The following CDH12 variants were observed in gnomAD, a reference collection of about 807,000 sequenced individuals.
CDH12 encodes the protein cadherin 12, also known as cadherin-12.
In CDH12, 41 loss-of-function variants were observed where a neutral mutation model predicts 74.1. The ratio of observed to expected loss-of-function variants is 0.55; its 90% CI spans 0.43 to 0.72. The LOEUF (loss-of-function observed/expected upper bound fraction) is 0.72, where lower values mean the gene tolerates loss of function less well. Among genes scored for constraint, CDH12 ranks in the 30% least tolerant of loss-of-function variants. The pLI is 0.00. For synonymous variants in CDH12, 399 were observed against 355.0 expected (o/e 1.12, Z -1.39); for missense variants, 945 against 977.2 (o/e 0.97, Z 0.44).
intron 3 of CDH12, among the ~76,000 whole-genome samples, chr5:22,297,399 C>A (rs1415265051): frequency 6.6e-6 from 1 of 152,132 alleles, no homozygotes; most frequent in East Asian, 1.9e-4. Context: ...ATGTGTATTT[C>A]TAACTGAGTC....
chr5:22,241,685 C>T (rs1752757601), intron 3 of CDH12, among the ~76,000 whole-genome samples: 1 of 151,944 alleles, frequency 6.6e-6, no homozygotes, highest in Non-Finnish European at 1.5e-5. Flanking sequence ...ACAAGATCTA[C>T]TATCAAAACA....
At chr5:22,038,158 C>T (rs568633840) in intron 5 of CDH12, among the ~76,000 whole-genome samples, 2 of 152,310 alleles carry the variant, frequency 1.3e-5, no homozygotes, top group South Asian at 4.1e-4. Flanking sequence ...AATGCAACTA[C>T]TGCTGGAGTG....
chr5:21,931,623 T>C (rs7714572), intron 6 of CDH12, among the ~76,000 whole-genome samples: 113,126 of 152,200 alleles, frequency 0.74, 44,790 homozygotes, highest in East Asian at 0.93. Context: ...ATGCATATTA[T>C]AGTGAGCACA....
intron 6 of CDH12, among the ~76,000 whole-genome samples, chr5:21,971,670 T>C (rs374325709): frequency 1.8e-3 from 278 of 152,278 alleles, no homozygotes; most frequent in African/African-American, 6.5e-3. Context: ...ACCCCACTTA[T>C]GCATAATCAT....
At chr5:21,883,422 G>A (rs1406860055) in intron 6 of CDH12, 5 of 1,582,188 alleles carry the variant, frequency 3.2e-6, no homozygotes, top group African/African-American at 2.7e-5. Flanking sequence ...CGCTGAAGAT[G>A]TTGATGGAGA....
chr5:22,222,890 C>G (rs923304780), intron 3 of CDH12, among the ~76,000 whole-genome samples: 125 of 151,958 alleles, frequency 8.2e-4, no homozygotes, highest in African/African-American at 2.7e-3. Flanking sequence ...AAGAGTAACC[C>G]TTTTGTAACT....
At chr5:22,312,458 T>A (rs553611497) in intron 3 of CDH12, among the ~76,000 whole-genome samples, 1 of 152,312 alleles carries the variant, frequency 6.6e-6, no homozygotes, top group South Asian at 2.1e-4. Flanking sequence ...CATTCATTAT[T>A]CATTTGTTCA....
At chr5:21,865,339 A>G (rs904700179) in intron 6 of CDH12, among the ~76,000 whole-genome samples, 5 of 152,152 alleles carry the variant, frequency 3.3e-5, no homozygotes, top group Admixed American at 1.3e-4. Context: ...TATGAGATCA[A>G]ACTAAGGGGG....
chr5:22,530,497 C>G (rs1245496668), intron 1 of CDH12, among the ~76,000 whole-genome samples: 1 of 145,916 alleles, frequency 6.9e-6, no homozygotes, highest in Admixed American at 7.6e-5. Flanking sequence ...AAATACCTAC[C>G]TCATTAAAAT....
At chr5:22,454,587 C>A (rs961553361) in intron 2 of CDH12, among the ~76,000 whole-genome samples, 4 of 152,114 alleles carry the variant, frequency 2.6e-5, no homozygotes, top group African/African-American at 9.7e-5. Context: ...GATTCTCATG[C>A]CTCAGCCTCC....
Position 22,491,038 on chromosome 5 carries a change from C to T in CDH12, c.-428+14232G>A, listed in dbSNP as rs548709599. 1.4e-4 allele frequency among the ~76,000 whole-genome samples: 21 copies of T among 152,214 alleles called. No homozygotes were observed. In the South Asian group the frequency reaches 2.3e-3, roughly 17 times the overall value. ...AGGAGGTCCACTTGCAGGTTTGTTG[C>T]ATAGGTATATTGCACGACACTGATG... On this transcript the variant is annotated intron_variant, in intron 2 of 14. Transcript: ENST00000382254.
chr5:22,051,752 T>G (rs1281146902), intron 5 of CDH12, among the ~76,000 whole-genome samples: 4 of 152,112 alleles, frequency 2.6e-5, no homozygotes, highest in Admixed American at 2.6e-4. Context: ...AGAAAACCAT[T>G]TCTTCTGTAC....
chr5:22,717,921 A>C (rs998629225), intron 1 of CDH12, among the ~76,000 whole-genome samples: 4 of 152,134 alleles, frequency 2.6e-5, no homozygotes, highest in African/African-American at 9.7e-5. Flanking sequence ...CAAAGAAAAA[A>C]AAAGCATCTT....
intron 6 of CDH12, among the ~76,000 whole-genome samples, chr5:21,880,907 G>A (rs9292998): frequency 0.76 from 114,491 of 151,640 alleles, 46,742 homozygotes; most frequent in Non-Finnish European, 0.91. Context: ...GAGTTGAATC[G>A]TCCATCATTT....
chr5:21,909,287 G>C (rs1753765559), intron 6 of CDH12, among the ~76,000 whole-genome samples: 1 of 152,052 alleles, frequency 6.6e-6, no homozygotes, highest in African/African-American at 2.4e-5. Flanking sequence ...AATTATGCTT[G>C]TTTTTTACCC....
intron 4 of CDH12, among the ~76,000 whole-genome samples, chr5:22,194,439 C>G (rs1318278170): frequency 6.6e-6 from 1 of 151,346 alleles, no homozygotes; most frequent in East Asian, 2.0e-4. Flanking sequence ...TCAAGCGATT[C>G]TCCTGCCTCA....
At chr5:22,667,485 T>C (rs1287425859) in intron 1 of CDH12, among the ~76,000 whole-genome samples, 4 of 152,170 alleles carry the variant, frequency 2.6e-5, no homozygotes, top group Non-Finnish European at 4.4e-5. Flanking sequence ...ATAAATAGTA[T>C]GGAATGAGCA....
At chr5:22,330,090 G>C (rs1462059701) in intron 3 of CDH12, among the ~76,000 whole-genome samples, 2 of 152,278 alleles carry the variant, frequency 1.3e-5, no homozygotes, top group East Asian at 1.9e-4. Flanking sequence ...CAAAGAGACT[G>C]ACTCCTTCTT....
intron 1 of CDH12, among the ~76,000 whole-genome samples, chr5:22,519,598 T>C (rs1385761794): frequency 3.3e-5 from 5 of 152,126 alleles, no homozygotes; most frequent in African/African-American, 1.2e-4. Context: ...TAATTTTTTG[T>C]ATTTTTAGTA....
Sources: gnomAD v4.1 joint callset for allele counts (sites outside exome capture counted in the v4.1 genomes callset) on GRCh38, gnomAD v4.1.1 for gene constraint, MANE v1.5 for transcripts, NCBI Gene and HGNC (gene_info 2026-07-23, HGNC 2026-07-21) for gene names.